The following PRKCB variants were observed in gnomAD, a reference collection of about 807,000 sequenced individuals.
PRKCB encodes protein kinase C beta, also known as protein kinase C beta type.
A neutral mutation model predicts 81.5 loss-of-function variants in PRKCB; 13 were observed. That is an observed-to-expected ratio of 0.16 (90% CI 0.10 to 0.25). The LOEUF (loss-of-function observed/expected upper bound fraction) is 0.25. PRKCB is among the 10% of genes least tolerant of loss of function. The probability of loss-of-function intolerance (pLI) is 1.00; values close to 1 mark genes in which losing one functional copy is unlikely to be tolerated. For synonymous variants in PRKCB, 335 were observed against 321.4 expected, an observed-to-expected ratio of 1.04 and a Z score of -0.45; for missense variants, 509 against 875.7, an observed-to-expected ratio of 0.58 and a Z score of 5.29.
chr16:24,178,010 T>C (rs1045931732), intron 12 of PRKCB, among the ~76,000 whole-genome samples: 41 of 152,292 alleles, frequency 2.7e-4, no homozygotes, highest in African/African-American at 8.2e-4. Context: ...AAAAGATGTA[T>C]GGTTTTATCA....
At chr16:24,136,786 A>G (rs1966866230) in intron 9 of PRKCB, among the ~76,000 whole-genome samples, 1 of 152,218 alleles carries the variant, frequency 6.6e-6, no homozygotes, top group Non-Finnish European at 1.5e-5. Flanking sequence ...TTCCTATGAG[A>G]AAGAAGAAAA....
At chr16:23,885,603 G>T (rs1479301279) in intron 2 of PRKCB, among the ~76,000 whole-genome samples, 3 of 134,662 alleles carry the variant, frequency 2.2e-5, no homozygotes, top group African/African-American at 1.2e-4. Context: ...CACTGTGCCT[G>T]GCCTATCCAC....
chr16:24,043,422 T>C (rs1049593206), intron 5 of PRKCB, among the ~76,000 whole-genome samples: 2 of 152,226 alleles, frequency 1.3e-5, no homozygotes, highest in African/African-American at 4.8e-5. Flanking sequence ...ATTTTGCTTT[T>C]TTTTTAGTAT....
rs186959523 is a variant in PRKCB at position 24,015,041 on chromosome 16, T to A, written c.289-17095T>A. 5.6e-3 allele frequency among the ~76,000 whole-genome samples: 857 copies of A among 152,252 alleles called. 15 individuals carry two copies. Among genetic ancestry groups the A allele is most frequent in the Non-Finnish European group, 5.3e-3 (358 of 68,008 alleles). On this transcript the variant is annotated intron_variant, in intron 3 of 16. Transcript: ENST00000643927. ...GTCTCGAACTCCTGGCCTCAAGTGA[T>A]CCGCCCGCCTTGGCCTCCCAAAATG...
In PRKCB at chr16:23,850,930, T is replaced by C. The variant is rs952447988; in HGVS notation, c.205+13524T>C. On this transcript the variant is annotated intron_variant, in intron 2 of 16. Transcript: ENST00000643927. ...CATTTGTGTGTCTTCTTTTGAGTAATTTCTGTTCAGATCCCATTTTTAAAT... is the reference window on the plus strand; with the variant it reads ...CATTTGTGTGTCTTCTTTTGAGTAACTTCTGTTCAGATCCCATTTTTAAAT... 8.5e-5 allele frequency among the ~76,000 whole-genome samples: 13 copies of C among 152,366 alleles called. No homozygotes were observed. In the East Asian group the frequency reaches 2.5e-3, roughly 29 times the overall value.
At chr16:24,162,272 C>T (rs932237266) in intron 10 of PRKCB, among the ~76,000 whole-genome samples, 1 of 151,962 alleles carries the variant, frequency 6.6e-6, no homozygotes, top group South Asian at 2.1e-4. Context: ...AACTCGGGCT[C>T]AGCTCTGGGC....
intron 2 of PRKCB, among the ~76,000 whole-genome samples, chr16:23,927,886 T>C (rs1458980661): frequency 6.6e-6 from 1 of 151,922 alleles, no homozygotes; most frequent in African/African-American, 2.4e-5. Context: ...CACAGACCAG[T>C]TGGCGTGTGG....
chr16:24,032,083 C>T (rs532645769), intron 3 of PRKCB, 53 bp from the exon 4 acceptor site: 41 of 1,303,458 alleles, frequency 3.1e-5, no homozygotes, highest in Non-Finnish European at 4.2e-5. Context: ...TAGGATGAAC[C>T]GTTGGCATGC....
chr16:24,147,663 C>G (rs1212271434), intron 9 of PRKCB, among the ~76,000 whole-genome samples: 1 of 152,184 alleles, frequency 6.6e-6, no homozygotes, highest in African/African-American at 2.4e-5. Flanking sequence ...TTGCTCACCA[C>G]TGAACACTTG....
At chr16:23,948,995 T>A (rs940982579) in intron 2 of PRKCB, among the ~76,000 whole-genome samples, 1 of 152,168 alleles carries the variant, frequency 6.6e-6, no homozygotes, top group African/African-American at 2.4e-5. Context: ...GTTGGTTTTT[T>A]ACTGACAACG....
In PRKCB at chr16:24,049,636, G is replaced by A. The variant is rs545191646; in HGVS notation, c.529+14089G>A. ...CTACTACCCTGGTCTGCCTCCTTGA[G>A]TGGCCCAGGGAACATCTAGAAGCTG... is the stretch of plus-strand genomic sequence containing the variant. On this transcript the variant is annotated intron_variant, in intron 5 of 16. Transcript: ENST00000643927. Among the ~76,000 whole-genome samples, 8 of 152,216 alleles carry A rather than the reference G, an allele frequency of 5.3e-5. No homozygotes were observed. In the South Asian group the frequency reaches 1.2e-3, roughly 24 times the overall value.
chr16:23,985,815 A>G (rs1336042389), intron 2 of PRKCB, among the ~76,000 whole-genome samples: 1 of 152,222 alleles, frequency 6.6e-6, no homozygotes, highest in Non-Finnish European at 1.5e-5. Context: ...CTGCCAAGAT[A>G]TAACATATTA....
At chr16:23,872,127 C>T (rs916426222) in intron 2 of PRKCB, among the ~76,000 whole-genome samples, 2 of 152,146 alleles carry the variant, frequency 1.3e-5, no homozygotes, top group African/African-American at 4.8e-5. Context: ...GCAGCCACCC[C>T]AGTTCCAAGA....
intron 9 of PRKCB, among the ~76,000 whole-genome samples, chr16:24,140,684 A>G (rs1383204728): frequency 6.6e-6 from 1 of 152,144 alleles, no homozygotes; most frequent in Non-Finnish European, 1.5e-5. Context: ...AGACTGAAAG[A>G]CATCTCAAAA....
At chr16:24,119,982 G>A (rs1330261682) in intron 8 of PRKCB, among the ~76,000 whole-genome samples, 4 of 152,170 alleles carry the variant, frequency 2.6e-5, no homozygotes, top group Non-Finnish European at 5.9e-5. Context: ...CACAGGAGAC[G>A]GGATAAACAT....
At chr16:24,070,814 CAT>C (rs1224983420) in intron 5 of PRKCB, among the ~76,000 whole-genome samples, 1 of 152,192 alleles carries the variant, frequency 6.6e-6, no homozygotes, top group Non-Finnish European at 1.5e-5. Context: ...ATTAGGAAGT[CAT>C]AGTCCCTTCC....
chr16:24,093,770 T>C (rs910719170), intron 6 of PRKCB, among the ~76,000 whole-genome samples: 1 of 152,200 alleles, frequency 6.6e-6, no homozygotes. Context: ...CCAGGATTTT[T>C]CTCCATGCAT....
chr16:24,025,000 G>A (rs986659244), intron 3 of PRKCB, among the ~76,000 whole-genome samples: 1 of 152,170 alleles, frequency 6.6e-6, no homozygotes, highest in Non-Finnish European at 1.5e-5. Flanking sequence ...CAGTGGGTGG[G>A]TAGAGTTGGT....
intron 2 of PRKCB, among the ~76,000 whole-genome samples, chr16:23,976,059 C>A (rs1964620961): frequency 6.6e-6 from 1 of 151,962 alleles, no homozygotes; most frequent in African/African-American, 2.4e-5. Context: ...GCAGATGCAG[C>A]ACTTTGGGAG....
Sources: allele counts gnomAD v4.1 joint callset (sites outside exome capture counted in the v4.1 genomes callset), GRCh38; gene constraint gnomAD v4.1.1; transcripts MANE v1.5; gene names NCBI Gene and HGNC (gene_info 2026-07-23, HGNC 2026-07-21).